Variants in APBA1 observed in about 807,000 individuals in gnomAD.
The protein encoded by APBA1 is amyloid beta precursor protein binding family A member 1.
Under a neutral mutation model 86.6 loss-of-function variants are expected in APBA1, and 55 were observed. The ratio of observed to expected loss-of-function variants is 0.64; its 90% CI spans 0.51 to 0.80. The LOEUF (loss-of-function observed/expected upper bound fraction) is 0.80. Among genes scored for constraint, APBA1 ranks in the 30% least tolerant of loss-of-function variants. The probability of loss-of-function intolerance (pLI) is 0.00; values close to 1 mark genes in which losing one functional copy is unlikely to be tolerated. For missense variants in APBA1, 1,090 were observed against 1,183.0 expected (o/e 0.92, Z 1.15); for synonymous variants, 511 against 493.9 (o/e 1.03, Z -0.46).
chr9:69,669,292 G>A (rs374450542), intron 1 of APBA1, among the ~76,000 whole-genome samples: 1 of 151,866 alleles, frequency 6.6e-6, no homozygotes, highest in African/African-American at 2.4e-5. Context: ...AATTCCTTTT[G>A]GCCCCAGAGG....
Position 69,450,843 on chromosome 9 carries a change from T to C in APBA1, c.1969-1047A>G, listed in dbSNP as rs200774267. Among the ~76,000 whole-genome samples the C allele has an allele frequency of 9.9e-5, 15 of 151,640 alleles. No homozygotes were observed. The East Asian group carries it at 2.7e-3, about 27-fold the overall frequency. On this transcript the variant is annotated intron_variant, in intron 9 of 12. Coordinates refer to ENST00000265381, the MANE Select transcript of APBA1 (RefSeq NM_001163.4). ...GGTATCAAAAAAAAAAAGAGGAAAT[T>C]TGGACATAGGGACATGCATGGAGAA...
chr9:69,619,947 C>T (rs1332824711), intron 1 of APBA1, among the ~76,000 whole-genome samples: 3 of 152,164 alleles, frequency 2.0e-5, no homozygotes, highest in Admixed American at 6.5e-5. Context: ...TTTGTATTCT[C>T]GGTTTCTACG....
intron 2 of APBA1, among the ~76,000 whole-genome samples, chr9:69,488,699 G>A (rs1457427622): frequency 1.3e-5 from 2 of 152,172 alleles, no homozygotes; most frequent in Admixed American, 1.3e-4. Flanking sequence ...CCTTCTAGTG[G>A]AAGAGACACA....
intron 1 of APBA1, among the ~76,000 whole-genome samples, chr9:69,602,176 A>T (rs1822362963): frequency 6.6e-6 from 1 of 152,318 alleles, no homozygotes; most frequent in African/African-American, 2.4e-5. Flanking sequence ...CATCAGATTA[A>T]ACCTTTTAAA....
chr9:69,529,191 T>A (rs1041622538), intron 1 of APBA1, among the ~76,000 whole-genome samples: 2 of 152,074 alleles, frequency 1.3e-5, no homozygotes, highest in Non-Finnish European at 2.9e-5. Context: ...TCCTCAAACA[T>A]ATTTTTGGTT....
chr9:69,449,815 T>G lies in APBA1; in HGVS notation c.1969-19A>C. On this transcript the variant is annotated intron_variant, in intron 9 of 12. Transcript: ENST00000265381. ...TGAAAACCTGGAAGGAGAAAAACAT[T>G]TAGAAAACCTCCATCAGTGACCATC... 1 of 1,601,622 alleles carries G rather than the reference T, an allele frequency of 6.2e-7. No homozygotes were observed. Among genetic ancestry groups the G allele is most frequent in the Non-Finnish European group, 8.5e-7 (1 of 1,170,140 alleles).
intron 1 of APBA1, among the ~76,000 whole-genome samples, chr9:69,569,916 T>C (rs539460112): frequency 2.9e-4 from 44 of 152,334 alleles, no homozygotes; most frequent in African/African-American, 8.7e-4. Flanking sequence ...GTAATCTTCA[T>C]TGTGGGTGAG....
At chr9:69,638,329 C>T (rs1176954784) in intron 1 of APBA1, among the ~76,000 whole-genome samples, 3 of 152,240 alleles carry the variant, frequency 2.0e-5, no homozygotes, top group African/African-American at 7.2e-5. Flanking sequence ...CAACATCCGC[C>T]TCCTGGGTTC....
At chr9:69,644,056 A>G (rs998580384) in intron 1 of APBA1, among the ~76,000 whole-genome samples, 1 of 151,942 alleles carries the variant, frequency 6.6e-6, no homozygotes, top group East Asian at 1.9e-4. Context: ...GACCACTACA[A>G]CCCGATGTCA....
intron 6 of APBA1, among the ~76,000 whole-genome samples, chr9:69,457,542 G>T (rs1254912498): frequency 6.6e-6 from 1 of 152,116 alleles, no homozygotes; most frequent in African/African-American, 2.4e-5. Context: ...TGAGCTGATA[G>T]GAGACAATGT....
At chr9:69,577,536 G>C (rs1159489179) in intron 1 of APBA1, among the ~76,000 whole-genome samples, 1 of 152,074 alleles carries the variant, frequency 6.6e-6, no homozygotes, top group Non-Finnish European at 1.5e-5. Context: ...GAGACTGGAG[G>C]GTTTACAATT....
intron 1 of APBA1, among the ~76,000 whole-genome samples, chr9:69,647,536 C>G (rs1378430060): frequency 6.6e-6 from 1 of 152,236 alleles, no homozygotes; most frequent in African/African-American, 2.4e-5. Flanking sequence ...TGCTATCTGA[C>G]AGCTTTCAGG....
chr9:69,450,063 T>TTTTG (rs1386154018), intron 9 of APBA1, among the ~76,000 whole-genome samples: 5 of 145,700 alleles, frequency 3.4e-5, no homozygotes, highest in African/African-American at 1.4e-4. Context: ...CCAGTTTTTT[T>TTTTG]TTTTTTTTTT....
At chr9:69,655,376 T>C (rs953814286) in intron 1 of APBA1, among the ~76,000 whole-genome samples, 21 of 152,060 alleles carry the variant, frequency 1.4e-4, no homozygotes, top group Admixed American at 5.9e-4. Flanking sequence ...AATGAGTAAG[T>C]AAATTCAGGA....
intron 1 of APBA1, among the ~76,000 whole-genome samples, chr9:69,647,081 C>T (rs1823405869): frequency 6.6e-6 from 1 of 152,198 alleles, no homozygotes; most frequent in Non-Finnish European, 1.5e-5. Context: ...TATTCAGGAA[C>T]TCCCTACCAG....
chr9:69,448,721 GTCTT>G (rs1036401713), intron 10 of APBA1, among the ~76,000 whole-genome samples: 6 of 152,022 alleles, frequency 3.9e-5, no homozygotes. Context: ...TTCCAGCTAA[GTCTT>G]TCAGGAAACC....
chr9:69,473,743 A>G (rs188916545), intron 3 of APBA1, among the ~76,000 whole-genome samples: 5 of 152,208 alleles, frequency 3.3e-5, no homozygotes, highest in Admixed American at 2.6e-4. Flanking sequence ...AATAAAGTTT[A>G]CCATCTTTAA....
chr9:69,501,246 C>T (rs1835875396), intron 2 of APBA1, among the ~76,000 whole-genome samples: 1 of 152,078 alleles, frequency 6.6e-6, no homozygotes, highest in African/African-American at 2.4e-5. Flanking sequence ...AAGCAGTCAG[C>T]GAAGACTGTG....
At chr9:69,662,960 C>T (rs1823780150) in intron 1 of APBA1, among the ~76,000 whole-genome samples, 1 of 152,230 alleles carries the variant, frequency 6.6e-6, no homozygotes, top group Admixed American at 6.5e-5. Context: ...TCTGTGATTA[C>T]TGCATCATTT....
Sources: allele counts gnomAD v4.1 joint callset (sites outside exome capture counted in the v4.1 genomes callset), GRCh38; gene constraint gnomAD v4.1.1; transcripts MANE v1.5; gene names NCBI Gene and HGNC (gene_info 2026-07-23, HGNC 2026-07-21).